IL18RAP: variants seen among roughly 807,000 people sequenced by gnomAD.
IL18RAP encodes the protein interleukin 18 receptor accessory protein.
IL18RAP carries 37 observed loss-of-function variants against 58.1 expected under a neutral mutation model. That is an observed-to-expected ratio of 0.64 (90% confidence interval 0.49 to 0.84). The LOEUF is 0.84. IL18RAP is among the 40% of genes least tolerant of loss of function. The pLI is 0.00. For synonymous variants in IL18RAP, 268 were observed against 257.5 expected, an observed-to-expected ratio of 1.04 and a Z score of -0.39; for missense variants, 667 against 704.8, an observed-to-expected ratio of 0.95 and a Z score of 0.61.
chr2:102,420,538 C>T (rs1026689332), upstream of IL18RAP, among the ~76,000 whole-genome samples: 41 of 152,088 alleles, frequency 2.7e-4, no homozygotes, highest in African/African-American at 9.4e-4. Context: ...TCAAGGTTGG[C>T]GGACATTCCT....
chr2:102,436,267 A>C (rs1682729798), intron 3 of IL18RAP, among the ~76,000 whole-genome samples: 1 of 152,036 alleles, frequency 6.6e-6, no homozygotes, highest in South Asian at 2.1e-4. Flanking sequence ...GATTTATGAC[A>C]CGCCTCTCCC....
intron 3 of IL18RAP, among the ~76,000 whole-genome samples, chr2:102,426,146 T>A (rs988040870): frequency 6.6e-6 from 1 of 152,152 alleles, no homozygotes; most frequent in African/African-American, 2.4e-5. Context: ...AGTGATGGCA[T>A]TAGGCAGGAA....
chr2:102,428,394 T>A (rs1335882172), intron 3 of IL18RAP, among the ~76,000 whole-genome samples: 5 of 148,000 alleles, frequency 3.4e-5, no homozygotes, highest in African/African-American at 1.2e-4. Context: ...TTTTTTTTTA[T>A]AATTTTCAGT....
chr2:102,423,972 G>A lies in IL18RAP; in HGVS notation c.232G>A (p.Asp78Asn), dbSNP rs752348672. 16 of 1,613,904 alleles carry A rather than the reference G, an allele frequency of 9.9e-6. No homozygotes were observed. Among genetic ancestry groups the A allele is most frequent in the Non-Finnish European group, 1.3e-5 (15 of 1,180,004 alleles). The change falls in exon 2 of 10, where the codon GAC becomes AAC. Residue 78 changes from aspartate to asparagine, a missense_variant. Transcript: ENST00000687160. ...PEHLPFMGSN[D>N]LSDVQWYQQP... ...GCACCTGCCCTTCATGGGTAGTAAC[G>A]ACCTATCTGATGTCCAATGGTACCA...
chr2:102,424,693 A>T (rs925543149), intron 3 of IL18RAP, among the ~76,000 whole-genome samples: 3 of 152,214 alleles, frequency 2.0e-5, no homozygotes, highest in African/African-American at 7.2e-5. Context: ...TAAACCTACT[A>T]ACATCTGCTA....
rs10199166 is a variant in IL18RAP at position 102,449,970 on chromosome 2, T to C, written c.1211-878T>C. On this transcript the variant is annotated intron_variant, in intron 8 of 9. Transcript: ENST00000687160. ...TCCCTTTTGGTACCTGGTACTTCCA[T>C]CCACCGAGGCATCATTTTAGGTTCA... is the stretch of plus-strand genomic sequence containing the variant. Among the ~76,000 whole-genome samples, 830 of 152,202 alleles carry C rather than the reference T, an allele frequency of 5.5e-3. 17 individuals are homozygous for C. Among genetic ancestry groups the C allele is most frequent in the African/African-American group, 0.019 (796 of 41,530 alleles).
In IL18RAP at chr2:102,423,896, G is replaced by T. The variant is rs1461108694; in HGVS notation, c.156G>T (p.Gln52His). The T allele has an allele frequency of 2.5e-6, 4 of 1,613,706 alleles. No homozygotes were observed. The African/African-American group carries it at 5.3e-5, about 22-fold the overall frequency. ...FVLFCDLPEP[Q>H]KSHFCHRNRL... ...TATTTTGTGATTTACCAGAGCCACA[G>T]AAATCACATTTCTGCCACAGAAATC... Residue 52 changes from glutamine to histidine, a missense_variant, in exon 2 of 10, where the codon CAG (glutamine) becomes CAT (histidine). Coordinates refer to ENST00000687160, the MANE Select transcript of IL18RAP (RefSeq NM_001393487.1).
At chr2:102,419,768 G>C (rs1330347891), upstream of IL18RAP, 1 of 152,318 alleles carries the variant, frequency 6.6e-6, no homozygotes, top group African/African-American at 2.4e-5. Flanking sequence ...TCTACACCTG[G>C]ATATGAATCC....
chr2:102,438,278 A>G (rs547993279), intron 4 of IL18RAP, among the ~76,000 whole-genome samples: 1 of 152,302 alleles, frequency 6.6e-6, no homozygotes, highest in South Asian at 2.1e-4. Flanking sequence ...ACAGCCAGTC[A>G]CTCATGCTTT....
Position 102,452,305 on chromosome 2 carries a change from A to G in IL18RAP, c.*124A>G. On this transcript the variant is annotated 3_prime_UTR_variant, in exon 10 of 10. Transcript: ENST00000687160. ...TTCAAAGAGTCTCCTGCCAGCACCA[A>G]GCAAGCTTGATGGACAATGGAGTGG... is the stretch of plus-strand genomic sequence containing the variant. 2.1e-6 allele frequency: 2 copies of G among 937,214 alleles called. No individual in the cohort carries two copies. The highest frequency in any genetic ancestry group is 1.8e-5 in the South Asian group (1 of 57,064). 58.1% of individuals were successfully genotyped at this position (937,214 alleles called of 1,614,324 possible).
At chr2:102,446,432 C>G (rs1683420080) in intron 7 of IL18RAP, among the ~76,000 whole-genome samples, 1 of 152,194 alleles carries the variant, frequency 6.6e-6, no homozygotes, top group Admixed American at 6.5e-5. Flanking sequence ...CCCGTTGTGT[C>G]GTCTTTTATC....
At chr2:102,436,628 A>G (rs1682757450) in intron 3 of IL18RAP, among the ~76,000 whole-genome samples, 1 of 152,206 alleles carries the variant, frequency 6.6e-6, no homozygotes, top group African/African-American at 2.4e-5. Context: ...TCAGAACCAG[A>G]AAAAAATGAG....
At chr2:102,442,397 A>G (rs1447368439) in intron 5 of IL18RAP, among the ~76,000 whole-genome samples, 1 of 152,206 alleles carries the variant, frequency 6.6e-6, no homozygotes, top group Non-Finnish European at 1.5e-5. Flanking sequence ...TAAGATCACT[A>G]GATGGCAGGA....
chr2:102,434,946 A>T (rs1682631845), intron 3 of IL18RAP: 1 of 152,220 alleles, frequency 6.6e-6, no homozygotes, highest in Non-Finnish European at 1.5e-5. Context: ...TTCACTAGAA[A>T]TTGACATCTA....
chr2:102,428,391 T>A (rs1004655934), intron 3 of IL18RAP, among the ~76,000 whole-genome samples: 62 of 151,458 alleles, frequency 4.1e-4, no homozygotes, highest in Non-Finnish European at 8.0e-4. Context: ...TTTTTTTTTT[T>A]TATAATTTTC....
chr2:102,435,055 T>C lies in IL18RAP; in HGVS notation c.580-2157T>C, dbSNP rs143926490. On this transcript the variant is annotated intron_variant, in intron 3 of 9. Coordinates refer to ENST00000687160, the MANE Select transcript of IL18RAP (RefSeq NM_001393487.1). ...CAATAGAATGTTGTTAGTTGATAAC[T>C]GGGGCAAGAGACTGCAACTACACTT... 197 of 152,234 alleles carry C rather than the reference T, an allele frequency of 1.3e-3. 1 individual carries two copies. Among genetic ancestry groups the C allele is most frequent in the African/African-American group, 4.5e-3 (187 of 41,548 alleles). The allele number at this position is 152,234 out of a possible 1,614,324, so 9.4% of individuals were successfully genotyped here. A position where few individuals can be genotyped will look rare whatever the true frequency, so the allele number is the denominator to read the frequency against.
chr2:102,421,013 G>A (rs1423908524), upstream of IL18RAP, among the ~76,000 whole-genome samples: 1 of 152,150 alleles, frequency 6.6e-6, no homozygotes, highest in African/African-American at 2.4e-5. Flanking sequence ...CCAATCTAGT[G>A]GGAGGACAAG....
In IL18RAP at chr2:102,447,154, T is replaced by G; in HGVS notation, c.1157T>G (p.Ile386Ser). 6.2e-7 allele frequency: 1 copy of G among 1,614,108 alleles called. No individual in the cohort carries two copies. ...AGTGCCCTCCTCTACAGGCACTGGA[T>G]TGAAATAGTGCTGCTGTACCGGACC... ...AASALLYRHW[I>S]EIVLLYRTYQ... Residue 386 changes from isoleucine (I) to serine (S), a missense_variant, in exon 8 of 10, where the codon ATT becomes AGT. By Grantham distance (142) the Ile-to-Ser change is moderately radical. Coordinates refer to ENST00000687160, the MANE Select transcript of IL18RAP (RefSeq NM_001393487.1).
rs766620201 is a variant in IL18RAP, at chr2:102,452,082, C to T, written c.1701C>T (p.Phe567=). 4.3e-6 allele frequency: 7 copies of T among 1,613,984 alleles called. No individual in the cohort carries two copies. Among genetic ancestry groups the T allele is most frequent in the Non-Finnish European group, 5.9e-6 (7 of 1,180,034 alleles). Residue 567 remains phenylalanine (F), a synonymous_variant, in exon 10 of 10, where the codon TTC becomes TTT. Coordinates refer to ENST00000687160, the MANE Select transcript of IL18RAP (RefSeq NM_001393487.1). ...TGCCTGTGAAAAACTCTCAGGGATTCACGTGGAACCAGCTCAGAATTACCT... is the reference window on the plus strand; with the variant it reads ...TGCCTGTGAAAAACTCTCAGGGATTTACGTGGAACCAGCTCAGAATTACCT... The part of the protein sequence containing the change: ...YHMPVKNSQG[F]TWNQLRITSR...
Sources: gnomAD v4.1 joint callset for allele counts (sites outside exome capture counted in the v4.1 genomes callset) on GRCh38, gnomAD v4.1.1 for gene constraint, MANE v1.5 for transcripts, NCBI Gene and HGNC (gene_info 2026-07-23, HGNC 2026-07-21) for gene names.